CNTN4: variants seen among roughly 807,000 people sequenced by gnomAD.
CNTN4 encodes contactin-4.
A neutral mutation model predicts 122.5 loss-of-function variants in CNTN4; 77 were observed. The ratio of observed to expected loss-of-function variants is 0.63; its 90% CI spans 0.52 to 0.76. CNTN4 has a LOEUF of 0.76. CNTN4 is among the 30% of genes least tolerant of loss of function. CNTN4 has a pLI of 0.00. For synonymous variants in CNTN4, 512 were observed against 447.0 expected (o/e 1.15, Z -1.83); for missense variants, 1,256 against 1,259.1 (o/e 1.00, Z 0.04).
intron 2 of CNTN4, among the ~76,000 whole-genome samples, chr3:2,169,814 T>C (rs1673855807): frequency 6.6e-6 from 1 of 152,204 alleles, no homozygotes; most frequent in South Asian, 2.1e-4. Flanking sequence ...TTATCAATGC[T>C]CTTAGTCAAC....
rs556303449 is a variant in CNTN4, at chr3:2,335,436, A to C, written c.-144-3742A>C. 7.9e-4 allele frequency among the ~76,000 whole-genome samples: 120 copies of C among 152,278 alleles called. 1 individual carries two copies. Among genetic ancestry groups the C allele is most frequent in the African/African-American group, 2.8e-3 (116 of 41,554 alleles). On this transcript the variant is annotated intron_variant, in intron 2 of 24. Transcript: ENST00000418658. Reference sequence around the variant, plus strand: ...CATTAGGCTCATTTTATTCGAAAGGAAGCTGAGCTTAAAGAAGGTGGGTAA... The same window carrying C: ...CATTAGGCTCATTTTATTCGAAAGGCAGCTGAGCTTAAAGAAGGTGGGTAA...
At chr3:2,649,673 G>T (rs1004773764) in intron 4 of CNTN4, among the ~76,000 whole-genome samples, 1 of 152,082 alleles carries the variant, frequency 6.6e-6, no homozygotes, top group Admixed American at 6.6e-5. Context: ...ACACAACATC[G>T]AATCTGCAGC....
rs569944602 is a variant in CNTN4, at chr3:2,925,475, C to A, written c.1208-154C>A. 9.7e-4 allele frequency among the ~76,000 whole-genome samples: 148 copies of A among 152,246 alleles called. 1 individual carries two copies. Among genetic ancestry groups the A allele is most frequent in the African/African-American group, 3.3e-3 (137 of 41,548 alleles). Reference sequence around the variant, plus strand: ...GGCTGAGGCAGGAGAGTCACTTGAACCCGGGAGGCGGAGGTTGCAGTGAGC... The same window carrying A: ...GGCTGAGGCAGGAGAGTCACTTGAAACCGGGAGGCGGAGGTTGCAGTGAGC... On this transcript the variant is annotated intron_variant, in intron 12 of 24. Transcript: ENST00000418658.
intron 6 of CNTN4, among the ~76,000 whole-genome samples, chr3:2,801,682 G>A (rs1450198706): frequency 6.6e-6 from 1 of 152,098 alleles, no homozygotes. Flanking sequence ...TTCATGGCAT[G>A]TCTACTCTGT....
intron 12 of CNTN4, among the ~76,000 whole-genome samples, chr3:2,918,836 G>A (rs1413289758): frequency 2.6e-5 from 4 of 152,154 alleles, no homozygotes; most frequent in Admixed American, 1.3e-4. Context: ...GGAAGTTCAC[G>A]AAGCCATTCA....
rs187042641 is a variant in CNTN4, at chr3:2,895,850, G to T, written c.941-4835G>T. On this transcript the variant is annotated intron_variant, in intron 10 of 24. Coordinates refer to ENST00000418658, the MANE Select transcript of CNTN4 (RefSeq NM_175607.3). ...GAGATCGAGACCATCCTGGCTAACA[G>T]GGTGAAACCCCGTCTCTACTAAAAA... Among the ~76,000 whole-genome samples the T allele has an allele frequency of 5.6e-4, 85 of 151,920 alleles. No homozygotes were observed. The Middle Eastern group carries it at 0.01, about 18-fold the overall frequency.
chr3:2,932,876 G>C (rs1298350535), intron 13 of CNTN4, among the ~76,000 whole-genome samples: 1 of 152,026 alleles, frequency 6.6e-6, no homozygotes, highest in East Asian at 1.9e-4. Context: ...AGGCTGGAGG[G>C]CAGTGGCGCG....
chr3:2,137,430 A>G (rs2034748688), intron 2 of CNTN4, among the ~76,000 whole-genome samples: 1 of 152,034 alleles, frequency 6.6e-6, no homozygotes, highest in Non-Finnish European at 1.5e-5. Context: ...TAACTCTGGA[A>G]GTATAGGTAT....
intron 13 of CNTN4, among the ~76,000 whole-genome samples, chr3:2,976,207 A>C (rs1408621498): frequency 6.6e-6 from 1 of 152,216 alleles, no homozygotes; most frequent in African/African-American, 2.4e-5. Flanking sequence ...TAACTCTGTG[A>C]TCTTTAATAC....
chr3:2,737,088 T>A (rs2089166255), intron 5 of CNTN4, among the ~76,000 whole-genome samples: 1 of 151,184 alleles, frequency 6.6e-6, no homozygotes, highest in African/African-American at 2.4e-5. Flanking sequence ...CCAGCCATAT[T>A]TTTATTTTTC....
intron 3 of CNTN4, among the ~76,000 whole-genome samples, chr3:2,407,036 C>T (rs2047062828): frequency 6.6e-6 from 1 of 152,142 alleles, no homozygotes; most frequent in Non-Finnish European, 1.5e-5. Context: ...TTACATGAAG[C>T]AGATATTAAA....
chr3:2,501,095 G>C (rs773460476), intron 3 of CNTN4, among the ~76,000 whole-genome samples: 19 of 152,098 alleles, frequency 1.2e-4, no homozygotes, highest in Admixed American at 3.3e-4. Context: ...CCTGATGATG[G>C]TTGTCATTGC....
rs147544840 is a variant in CNTN4 at position 2,542,545 on chromosome 3, A to G, written c.-88-28871A>G. Among the ~76,000 whole-genome samples the G allele has an allele frequency of 3.0e-3, 450 of 152,248 alleles. 3 individuals are homozygous for G. Among genetic ancestry groups the G allele is most frequent in the African/African-American group, 0.01 (419 of 41,546 alleles). The stretch of plus-strand genomic sequence containing the variant: ...TTCTATTCCTAACAGTGTGCCTAGC[A>G]ACCGCTGATATAGTACAAATTTTGC... On this transcript the variant is annotated intron_variant, in intron 3 of 24. Transcript: ENST00000418658.
intron 3 of CNTN4, among the ~76,000 whole-genome samples, chr3:2,529,342 C>T (rs1419975982): frequency 6.6e-6 from 1 of 152,060 alleles, no homozygotes; most frequent in Non-Finnish European, 1.5e-5. Flanking sequence ...TTTTCTTCAT[C>T]CATTCATCTG....
At chr3:2,980,068 A>G (rs1188304991) in intron 13 of CNTN4, among the ~76,000 whole-genome samples, 1 of 152,212 alleles carries the variant, frequency 6.6e-6, no homozygotes. Flanking sequence ...TATAGGACTG[A>G]CAATGTCAAC....
chr3:2,292,448 T>G (rs1036431361), intron 2 of CNTN4, among the ~76,000 whole-genome samples: 2 of 152,356 alleles, frequency 1.3e-5, no homozygotes, highest in Non-Finnish European at 2.9e-5. Flanking sequence ...ATTATTTGTA[T>G]GCAATAAAAT....
chr3:2,611,313 G>GAAAAAAAAAA (rs1370397110), intron 4 of CNTN4, among the ~76,000 whole-genome samples: 1 of 113,600 alleles, frequency 8.8e-6, no homozygotes, highest in African/African-American at 3.8e-5. Flanking sequence ...AAAAAAAAAA[G>GAAAAAAAAAA]AAAGAAAGAA....
At position 2,278,328 on chromosome 3, in the gene CNTN4, G is replaced by A. The variant is rs78852374; in HGVS notation, c.-144-60850G>A. 4.8e-3 allele frequency among the ~76,000 whole-genome samples: 732 copies of A among 152,296 alleles called. 3 individuals carry two copies. The highest frequency in any genetic ancestry group is 0.016 in the African/African-American group (667 of 41,566). ...AGTCTTTGGAATTGGCTTTGGACAT[G>A]CATTCCTACTTCACACATCCCAGTG... On this transcript the variant is annotated intron_variant, in intron 2 of 24. Coordinates refer to ENST00000418658, the MANE Select transcript of CNTN4 (RefSeq NM_175607.3).
intron 3 of CNTN4, among the ~76,000 whole-genome samples, chr3:2,452,744 A>C (rs931518154): frequency 1.3e-5 from 2 of 152,110 alleles, no homozygotes; most frequent in Non-Finnish European, 2.9e-5. Flanking sequence ...AGTATATGAG[A>C]GACAGTGTCT....
Sources: allele counts gnomAD v4.1 joint callset (sites outside exome capture counted in the v4.1 genomes callset), GRCh38; gene constraint gnomAD v4.1.1; transcripts MANE v1.5; gene names NCBI Gene and HGNC (gene_info 2026-07-23, HGNC 2026-07-21).